RERE: variants seen among roughly 807,000 people sequenced by gnomAD.
RERE encodes arginine-glutamic acid dipeptide repeats, also known as arginine-glutamic acid dipeptide repeats protein.
Under a neutral mutation model 146.1 loss-of-function variants are expected in RERE, and 40 were observed. The observed-to-expected ratio is 0.27, with a 90% CI of 0.21 to 0.36. The LOEUF (loss-of-function observed/expected upper bound fraction) is 0.36. Ranked by LOEUF, RERE falls within the 10% of genes least tolerant of loss-of-function variation. The pLI, the probability that RERE is intolerant of heterozygous loss-of-function variation, is 1.00. For missense variants in RERE, 1,933 were observed against 2,138.7 expected, an observed-to-expected ratio of 0.90 and a Z score of 1.90; for synonymous variants, 1,003 against 866.0, an observed-to-expected ratio of 1.16 and a Z score of -2.78.
chr1:8,795,224 T>C lies in RERE; in HGVS notation c.-145+21936A>G, dbSNP rs201869823. ...TATTTTTAGTAGAGATGGGGTTTCATCATGTTGGCCAGGCTGGTCTCGAAC... is the reference window on the plus strand; with the variant it reads ...TATTTTTAGTAGAGATGGGGTTTCACCATGTTGGCCAGGCTGGTCTCGAAC... On this transcript the variant is annotated intron_variant, in intron 1 of 22. Transcript: ENST00000400908. 2.6e-5 allele frequency among the ~76,000 whole-genome samples: 4 copies of C among 151,884 alleles called. No homozygotes were observed. In the East Asian group the frequency reaches 7.7e-4, roughly 29 times the overall value.
chr1:8,766,789 G>C (rs1640858915), intron 1 of RERE, among the ~76,000 whole-genome samples: 1 of 152,098 alleles, frequency 6.6e-6, no homozygotes, highest in African/African-American at 2.4e-5. Flanking sequence ...TCACAATATT[G>C]TGAAATTTAA....
chr1:8,526,045 C>G, intron 7 of RERE: 1 of 1,219,504 alleles, frequency 8.2e-7, no homozygotes, highest in Non-Finnish European at 1.0e-6. Context: ...CAATCTCAAC[C>G]CTGCTGTTTC....
chr1:8,702,660 T>C lies in RERE; in HGVS notation c.-144-46219A>G, dbSNP rs1202210937. Among the ~76,000 whole-genome samples the C allele has an allele frequency of 2.6e-5, 4 of 152,226 alleles. No homozygotes were observed. The East Asian group carries it at 7.7e-4, about 29-fold the overall frequency. ...TTCCACAGTAAAGCAATGAAGTTTCTGATCAAAGAGCGACTTCTGCATTAT... is the reference window on the plus strand; with the variant it reads ...TTCCACAGTAAAGCAATGAAGTTTCCGATCAAAGAGCGACTTCTGCATTAT... On this transcript the variant is annotated intron_variant, in intron 1 of 22. Coordinates refer to ENST00000400908, the MANE Select transcript of RERE (RefSeq NM_001042681.2).
intron 12 of RERE, among the ~76,000 whole-genome samples, chr1:8,378,095 G>A (rs1570092431): frequency 6.6e-6 from 1 of 152,206 alleles, no homozygotes; most frequent in East Asian, 1.9e-4. Context: ...GAAAGGAAAA[G>A]AAAGGGTACT....
intron 12 of RERE, among the ~76,000 whole-genome samples, chr1:8,417,355 C>G (rs374261421): frequency 6.6e-6 from 1 of 152,126 alleles, no homozygotes; most frequent in African/African-American, 2.4e-5. Flanking sequence ...TAGTTACGTA[C>G]GTATTTAATA....
At chr1:8,792,267 C>T (rs529997124) in intron 1 of RERE, 5 of 152,196 alleles carry the variant, frequency 3.3e-5, no homozygotes, top group African/African-American at 1.2e-4. Flanking sequence ...TAATTCATAC[C>T]AGAAACCAGG....
At chr1:8,756,868 G>C (rs1640648193) in intron 1 of RERE, among the ~76,000 whole-genome samples, 1 of 152,084 alleles carries the variant, frequency 6.6e-6, no homozygotes. Context: ...GAGGTAGGTG[G>C]ATCACCTGAC....
chr1:8,655,580 G>C (rs1322349253), intron 2 of RERE, among the ~76,000 whole-genome samples: 1 of 152,056 alleles, frequency 6.6e-6, no homozygotes, highest in African/African-American at 2.4e-5. Context: ...CTGTTTCCAA[G>C]AATCTTAAGG....
In RERE at chr1:8,758,103, T is replaced by G. The variant is rs147833340; in HGVS notation, c.-145+59057A>C. ...AACGTCAAGTTCAATTTTTTTTTTT[T>G]TAGAAAGAATCTCGCTCTGTCACCC... On this transcript the variant is annotated intron_variant, in intron 1 of 22. Transcript: ENST00000400908. Among the ~76,000 whole-genome samples, 630 of 152,168 alleles carry G rather than the reference T, an allele frequency of 4.1e-3. 5 individuals are homozygous for G. The highest frequency in any genetic ancestry group is 0.014 in the African/African-American group (599 of 41,490).
rs1392439271 is a variant in RERE, at chr1:8,759,854, C to CAT, written c.-145+57305_-145+57306insAT. ...CTCTCTCTATACACACACACACACA[C>CAT]ACACACACACACACACACACACAAT... On this transcript the variant is annotated intron_variant, in intron 1 of 22. Coordinates refer to ENST00000400908, the MANE Select transcript of RERE (RefSeq NM_001042681.2). 4.6e-5 allele frequency among the ~76,000 whole-genome samples: 7 copies of CAT among 151,790 alleles called. No homozygotes were observed. The East Asian group carries it at 1.4e-3, about 29-fold the overall frequency.
In RERE at chr1:8,512,066, G is replaced by A. The variant is rs1410204228; in HGVS notation, c.831-3391C>T. On this transcript the variant is annotated intron_variant, in intron 7 of 22. Coordinates refer to ENST00000400908, the MANE Select transcript of RERE (RefSeq NM_001042681.2). ...TTTTGAGACGGAGTCTCGCTCTGTC[G>A]CCCAGGCCGGACTGCAGACTGCAGT... 5 of 98,180 alleles carry A rather than the reference G, an allele frequency of 5.1e-5. No homozygotes were observed. In the Admixed American group the frequency reaches 8.2e-4, roughly 16 times the overall value. 6.1% of individuals were successfully genotyped at this position (98,180 alleles called of 1,614,324 possible). A position where few individuals can be genotyped will look rare whatever the true frequency, so the allele number is the denominator to read the frequency against.
In RERE at chr1:8,556,496, G is replaced by A. The variant is rs1646008416; in HGVS notation, c.704C>T (p.Thr235Ile). 1 of 1,606,136 alleles carries A rather than the reference G, an allele frequency of 6.2e-7. No individual in the cohort carries two copies. The highest frequency in any genetic ancestry group is 8.5e-7 in the Non-Finnish European group (1 of 1,172,794). The change falls in exon 6 of 23, where the codon ACT becomes ATT. Residue 235 changes from threonine to isoleucine, a missense_variant. Thr to Ile is a moderately conservative substitution (Grantham distance 89). This residue lies in a region of RERE where 37 missense variants were observed against 46.6 expected (regional missense o/e 0.79). Transcript: ENST00000400908. ...TTACCTAAGGGCAGCAGCATGGTAA[G>A]TGTCAACGTAATCAGAAATGAAGAG... is the stretch of plus-strand genomic sequence containing the variant. ...RELFISDYVDTYHAAALRGKC... is the reference protein window; with the variant it reads ...RELFISDYVDIYHAAALRGKC...
At chr1:8,639,670 G>C (rs1647150109) in intron 2 of RERE, among the ~76,000 whole-genome samples, 1 of 152,084 alleles carries the variant, frequency 6.6e-6, no homozygotes, top group South Asian at 2.1e-4. Flanking sequence ...GTGAAATAGT[G>C]GTAATTAAAC....
chr1:8,770,070 G>A (rs1046993825), intron 1 of RERE, among the ~76,000 whole-genome samples: 2 of 152,094 alleles, frequency 1.3e-5, no homozygotes, highest in Admixed American at 6.6e-5. Context: ...GATAACAGGC[G>A]TGAGCCACCG....
chr1:8,756,402 TATA>T (rs1242144357), intron 1 of RERE, among the ~76,000 whole-genome samples: 1 of 152,202 alleles, frequency 6.6e-6, no homozygotes, highest in Non-Finnish European at 1.5e-5. Context: ...TCTAGTGCTA[TATA>T]ATATTAGCAT....
intron 10 of RERE, among the ~76,000 whole-genome samples, chr1:8,485,939 A>G (rs1307588688): frequency 6.6e-6 from 1 of 151,920 alleles, no homozygotes; most frequent in Non-Finnish European, 1.5e-5. Context: ...AGCTGGGACT[A>G]CAGGTGTGCG....
chr1:8,397,684 C>G (rs1643101850), intron 12 of RERE, among the ~76,000 whole-genome samples: 1 of 152,078 alleles, frequency 6.6e-6, no homozygotes, highest in Admixed American at 6.6e-5. Context: ...TTCTCTAAGC[C>G]TTGAGGATCC....
At chr1:8,493,402 TG>T (rs1465059352) in intron 10 of RERE, among the ~76,000 whole-genome samples, 6 of 152,220 alleles carry the variant, frequency 3.9e-5, no homozygotes, top group African/African-American at 1.4e-4. Context: ...TATGACAATG[TG>T]AAAAAACATT....
At position 8,734,698 on chromosome 1, in the gene RERE, A is replaced by G. The variant is rs1003918652; in HGVS notation, c.-144-78257T>C. ...AACACTTAAAAGAGGACGTTGCCTA[A>G]GTGCTCAATAAATGTCAGCTATCAT... On this transcript the variant is annotated intron_variant, in intron 1 of 22. Coordinates refer to ENST00000400908, the MANE Select transcript of RERE (RefSeq NM_001042681.2). 5.9e-5 allele frequency among the ~76,000 whole-genome samples: 9 copies of G among 152,250 alleles called. 1 individual carries two copies. Among genetic ancestry groups the G allele is most frequent in the African/African-American group, 1.9e-4 (8 of 41,460 alleles).
Sources: allele counts gnomAD v4.1 joint callset (sites outside exome capture counted in the v4.1 genomes callset), GRCh38; gene constraint gnomAD v4.1.1; regional missense constraint gnomAD v4.1.1; transcripts MANE v1.5; gene names NCBI Gene and HGNC (gene_info 2026-07-23, HGNC 2026-07-21).